The following NUDC variants were observed in gnomAD, a reference collection of about 807,000 sequenced individuals.
NUDC encodes the protein nuclear migration protein nudC.
In NUDC, 14 loss-of-function variants were observed where a neutral mutation model predicts 45.0. That is an observed-to-expected ratio of 0.31 (90% confidence interval 0.21 to 0.49). NUDC has a LOEUF of 0.49. Ranked by LOEUF, NUDC falls within the 20% of genes least tolerant of loss-of-function variation. NUDC has a pLI of 0.99. For missense variants in NUDC, 323 were observed against 426.2 expected, an observed-to-expected ratio of 0.76 and a Z score of 2.13; for synonymous variants, 153 against 156.7, an observed-to-expected ratio of 0.98 and a Z score of 0.17.
At chr1:26,908,852 G>C (rs968299546) in intron 2 of NUDC, among the ~76,000 whole-genome samples, 4 of 149,234 alleles carry the variant, frequency 2.7e-5, no homozygotes, top group African/African-American at 1.0e-4. Flanking sequence ...AGTGATTTTC[G>C]TGCCTCGGCC....
Position 26,921,911 on chromosome 1 carries a change from C to T in NUDC, c.63C>T (p.His21=). The T allele has an allele frequency of 6.4e-7, 1 of 1,553,216 alleles. No homozygotes were observed. Among genetic ancestry groups the T allele is most frequent in the South Asian group, 1.2e-5 (1 of 84,174 alleles). ...DGMLLAMAQQ[H]EGGVQELVNT... is the part of the protein sequence containing the mutation. ...TGTTGCTGGCCATGGCTCAGCAGCA[C>T]GAGGGCGGCGTGCAGGAGGTAACGG... The change falls in exon 1 of 9, where the codon CAC becomes CAT. Residue 21 remains histidine (H), a synonymous_variant. Coordinates refer to ENST00000321265, the MANE Select transcript of NUDC (RefSeq NM_006600.4).
rs1246158115 is a variant in NUDC, at chr1:26,942,726, G to A, written c.496G>A (p.Gly166Arg). Residue 166 changes from glycine (G) to arginine (R), a missense_variant, in exon 5 of 9, where the codon GGG (glycine) becomes AGG (arginine). By Grantham distance (125) the Gly-to-Arg change is moderately radical. Transcript: ENST00000321265. The stretch of plus-strand genomic sequence containing the variant: ...AAAACTGAAGCCCAACCTAGGCAAC[G>A]GGGCAGACCTGCCCAATTACCGCTG... ...KGKLKPNLGN[G>R]ADLPNYRWTQ... The A allele has an allele frequency of 6.2e-7, 1 of 1,614,114 alleles. No homozygotes were observed. The highest frequency in any genetic ancestry group is 8.5e-7 in the Non-Finnish European group (1 of 1,180,038).
At chr1:26,904,027 TAAA>T (rs1413734334) in intron 2 of NUDC, among the ~76,000 whole-genome samples, 2 of 93,880 alleles carry the variant, frequency 2.1e-5, no homozygotes, top group Non-Finnish European at 2.5e-5. Context: ...AATAAATAAA[TAAA>T]TAAATTAAAT....
chr1:26,903,960 G>A (rs796304647), intron 2 of NUDC, among the ~76,000 whole-genome samples: 1 of 150,026 alleles, frequency 6.7e-6, no homozygotes, highest in African/African-American at 2.5e-5. Context: ...GCAGTGAGCC[G>A]AGATCGCGCC....
chr1:26,934,808 C>A (rs11589782), intron 2 of NUDC, among the ~76,000 whole-genome samples: 24,807 of 150,934 alleles, frequency 0.16, 2,661 homozygotes, highest in South Asian at 0.26. Flanking sequence ...CAGGCACCCC[C>A]CACCATGCCC....
chr1:26,936,193 T>A (rs2082232684), intron 2 of NUDC, among the ~76,000 whole-genome samples: 4 of 59,826 alleles, frequency 6.7e-5, no homozygotes, highest in African/African-American at 2.6e-4. Context: ...TTTTTTTTTT[T>A]TTTTTTTTTT....
Position 26,941,776 on chromosome 1 carries a change from G to A in NUDC, c.387G>A (p.Glu129=), listed in dbSNP as rs751690786. 2 of 1,613,868 alleles carry A rather than the reference G, an allele frequency of 1.2e-6. No homozygotes were observed. The highest frequency in any genetic ancestry group is 2.7e-5 in the African/African-American group (2 of 74,936). The change falls in exon 4 of 9, where the codon GAG becomes GAA. Residue 129 remains glutamate (E), a synonymous_variant. Transcript: ENST00000321265. ...AGAAAAAGGATGCAGAGAATCATGA[G>A]GCCCAGCTCAAGAACGGCAGCCTTG... ...IDQKKDAENH[E]AQLKNGSLDS...
chr1:26,907,934 T>A (rs1000879300), intron 2 of NUDC, among the ~76,000 whole-genome samples: 1 of 152,142 alleles, frequency 6.6e-6, no homozygotes, highest in African/African-American at 2.4e-5. Flanking sequence ...ATCCCAGCAC[T>A]TTGGAAGGCC....
Position 26,911,779 on chromosome 1 carries a change from G to A in NUDC, c.93+544G>A, listed in dbSNP as rs2082028311. On this transcript the variant is annotated intron_variant, in intron 3 of 6. Coordinates refer to the NUDC transcript ENST00000435827. ...TCCAGGAGCATTGGGTCACCTCTGG[G>A]GATGGCCAGGCTGAATCAGCACTGC... 7.5e-6 allele frequency: 12 copies of A among 1,607,962 alleles called. No homozygotes were observed. The South Asian group carries it at 1.3e-4, about 18-fold the overall frequency.
intron 2 of NUDC, among the ~76,000 whole-genome samples, chr1:26,910,354 T>A (rs1305250639): frequency 6.6e-6 from 1 of 152,116 alleles, no homozygotes; most frequent in Non-Finnish European, 1.5e-5. Flanking sequence ...GTGTGAGATC[T>A]CAGCTGTGTT....
intron 2 of NUDC, among the ~76,000 whole-genome samples, chr1:26,907,044 TC>T (rs1347094008): frequency 6.6e-6 from 1 of 152,120 alleles, no homozygotes; most frequent in East Asian, 1.9e-4. Flanking sequence ...CATTGGGATT[TC>T]CTTTCTTTGC....
At chr1:26,923,515 G>C (rs2082107798) in intron 1 of NUDC, among the ~76,000 whole-genome samples, 1 of 152,052 alleles carries the variant, frequency 6.6e-6, no homozygotes, top group Non-Finnish European at 1.5e-5. Context: ...CTCTCACCCA[G>C]GCTGGAGTGC....
At chr1:26,945,732 G>A in intron 8 of NUDC, 46 bp downstream of exon 8, 1 of 1,406,246 alleles carries the variant, frequency 7.1e-7, no homozygotes, top group Non-Finnish European at 1.0e-6. Context: ...GTGCCTGGGG[G>A]CTTAGACTTC....
chr1:26,901,983 C>T (rs537180019), intron 1 of NUDC, among the ~76,000 whole-genome samples: 6 of 152,286 alleles, frequency 3.9e-5, no homozygotes, highest in Non-Finnish European at 7.4e-5. Flanking sequence ...AATGACTGCA[C>T]ATGTTTATCA....
At chr1:26,937,114 A>G (rs2082241369) in intron 2 of NUDC, among the ~76,000 whole-genome samples, 1 of 152,174 alleles carries the variant, frequency 6.6e-6, no homozygotes, top group Admixed American at 6.5e-5. Context: ...TTACTTGTTT[A>G]TTATAAAAGA....
intron 2 of NUDC, among the ~76,000 whole-genome samples, chr1:26,902,878 G>A (rs34946857): frequency 0.054 from 8,217 of 152,008 alleles, 304 homozygotes; most frequent in Non-Finnish European, 0.08. Context: ...GTGAAACCCC[G>A]TCTCTACTAA....
chr1:26,925,664 T>G (rs2124100090), intron 2 of NUDC, among the ~76,000 whole-genome samples: 1 of 152,146 alleles, frequency 6.6e-6, no homozygotes, highest in South Asian at 2.1e-4. Context: ...TTGAACTTCT[T>G]TCTGATTCCT....
chr1:26,906,922 G>A (rs2082005288), intron 2 of NUDC, among the ~76,000 whole-genome samples: 1 of 152,156 alleles, frequency 6.6e-6, no homozygotes, highest in African/African-American at 2.4e-5. Context: ...GCTACCCAGA[G>A]TGAGCACCCA....
exon 3 of NUDC, chr1:26,911,220 T>C (rs1389415441): frequency 8.6e-6 from 4 of 467,274 alleles, no homozygotes; most frequent in Non-Finnish European, 1.8e-5. Context: ...TTGGCTGTGA[T>C]TGGGCTTTCA....
Sources: allele counts gnomAD v4.1 joint callset (sites outside exome capture counted in the v4.1 genomes callset), GRCh38; gene constraint gnomAD v4.1.1; transcripts MANE v1.5; gene names NCBI Gene and HGNC (gene_info 2026-07-23, HGNC 2026-07-21).